The following TRPM7 variants were observed in gnomAD, a reference collection of about 807,000 sequenced individuals.
The protein encoded by TRPM7 is LTRPC ion channel family member 7.
TRPM7 carries 134 observed loss-of-function variants against 229.7 expected under a neutral mutation model. The observed-to-expected ratio is 0.58, with a 90% CI of 0.51 to 0.67. The LOEUF is 0.67. TRPM7 is among the 30% of genes least tolerant of loss of function. TRPM7 has a pLI of 0.00. For synonymous variants in TRPM7, 699 were observed against 715.2 expected (o/e 0.98, Z 0.36); for missense variants, 1,901 against 2,210.0 (o/e 0.86, Z 2.80).
chr15:50,604,383 A>C (rs2059865107), intron 21 of TRPM7: 1 of 152,162 alleles, frequency 6.6e-6, no homozygotes, highest in South Asian at 2.1e-4. Flanking sequence ...GACCAGCCTG[A>C]CCAACATGGT....
chr15:50,561,874 T>A (rs929586301), intron 38 of TRPM7, 66 bp from the exon 39 acceptor site: 9 of 1,414,664 alleles, frequency 6.4e-6, no homozygotes, highest in Non-Finnish European at 8.5e-6. Flanking sequence ...TTAGTATTTC[T>A]TAGAAATGGA....
chr15:50,603,005 T>C (rs895518258), intron 21 of TRPM7, among the ~76,000 whole-genome samples: 1 of 152,214 alleles, frequency 6.6e-6, no homozygotes, highest in African/African-American at 2.4e-5. Flanking sequence ...AACACCTTTT[T>C]TGCATGCTAA....
rs760996135 is a variant in TRPM7, at chr15:50,604,979, C to A, written c.2875G>T (p.Val959Leu). The change falls in exon 21 of 39, where the codon GTG becomes TTG. Residue 959 changes from valine (V) to leucine (L), a missense_variant. Coordinates refer to ENST00000646667, the MANE Select transcript of TRPM7 (RefSeq NM_017672.6). ...FANAYDNHVF[V>L]AGRLIYCLNI... ...AGACAGTAAATTAATCTTCCAGCCA[C>A]AAAAACATGATTATCATATGCATTT... The A allele has an allele frequency of 2.5e-6, 4 of 1,613,916 alleles. No individual in the cohort carries two copies. Among genetic ancestry groups the A allele is most frequent in the Non-Finnish European group, 3.4e-6 (4 of 1,179,930 alleles).
chr15:50,615,995 T>C (rs1313782927), intron 13 of TRPM7, among the ~76,000 whole-genome samples: 1 of 152,180 alleles, frequency 6.6e-6, no homozygotes, highest in East Asian at 1.9e-4. Flanking sequence ...AAAATACCTA[T>C]TTCCATCTTG....
intron 11 of TRPM7, 108 bp from the exon 12 acceptor site, chr15:50,624,408 T>C (rs2140581986): frequency 9.9e-7 from 1 of 1,009,504 alleles, no homozygotes; most frequent in Non-Finnish European, 1.4e-6. Flanking sequence ...CCAACAGTTT[T>C]AGAACAAAAT....
Position 50,575,886 on chromosome 15 carries a change from G to A in TRPM7, c.4652C>T (p.Thr1551Ile). 1 of 1,613,350 alleles carries A rather than the reference G, an allele frequency of 6.2e-7. No individual in the cohort carries two copies. Among genetic ancestry groups the A allele is most frequent in the African/African-American group, 1.3e-5 (1 of 74,996 alleles). ...LTSPFKPAMD[T>I]NYYYSAVERN... ...TTACTGACCTGAATAATAGTAATTT[G>A]TATCCATAGCTGGCTTAAATGGAGA... The change falls in exon 32 of 39, where the codon ACA (threonine) becomes ATA (isoleucine). Residue 1551 changes from threonine to isoleucine, a missense_variant. Around this residue, in one of 8 missense-constraint regions of TRPM7, gnomAD observed 533 missense variants for 497.1 expected, o/e 1.07. Transcript: ENST00000646667.
At chr15:50,680,731 C>T (rs1055289002) in intron 1 of TRPM7, among the ~76,000 whole-genome samples, 5 of 151,916 alleles carry the variant, frequency 3.3e-5, no homozygotes, top group African/African-American at 1.2e-4. Context: ...TTAAAAAAAA[C>T]CTTAACTTTT....
At position 50,592,253 on chromosome 15, in the gene TRPM7, T is replaced by C. The variant is rs1373029749; in HGVS notation, c.3982A>G (p.Asn1328Asp). 2 of 1,614,018 alleles carry C rather than the reference T, an allele frequency of 1.2e-6. No homozygotes were observed. Among genetic ancestry groups the C allele is most frequent in the Non-Finnish European group, 1.7e-6 (2 of 1,179,998 alleles). The change falls in exon 26 of 39, where the codon AAT becomes GAT. Residue 1328 changes from asparagine (N) to aspartate (D), a missense_variant. Asn to Asp is a conservative substitution (Grantham distance 23). Transcript: ENST00000646667. The stretch of plus-strand genomic sequence containing the variant: ...GCAGGTAAGTCTTGACCAAATATAT[T>C]ACACTGGGGATCTTTGTCATCTTTC... Reference protein sequence around the residue: ...LMKDDKDPQCNIFGQDLPAVP... With the variant: ...LMKDDKDPQCDIFGQDLPAVP...
At chr15:50,579,201 A>G (rs2054281650) in intron 30 of TRPM7, among the ~76,000 whole-genome samples, 1 of 152,232 alleles carries the variant, frequency 6.6e-6, no homozygotes, top group African/African-American at 2.4e-5. Flanking sequence ...ACTTCCAAGG[A>G]TTCCAGTGTC....
chr15:50,612,016 C>T (rs1306899498), intron 16 of TRPM7, among the ~76,000 whole-genome samples: 1 of 152,250 alleles, frequency 6.6e-6, no homozygotes, highest in Non-Finnish European at 1.5e-5. Flanking sequence ...ACTTCACTTC[C>T]ACCCTTTCCT....
chr15:50,668,631 C>A (rs905052045), intron 1 of TRPM7, among the ~76,000 whole-genome samples: 1 of 152,156 alleles, frequency 6.6e-6, no homozygotes, highest in Non-Finnish European at 1.5e-5. Flanking sequence ...CCTCAGCCTC[C>A]CAAGTAGCTG....
chr15:50,661,759 T>C (rs1422996808), intron 2 of TRPM7, among the ~76,000 whole-genome samples: 2 of 152,272 alleles, frequency 1.3e-5, no homozygotes, highest in East Asian at 3.9e-4. Context: ...GAGAACACAG[T>C]GTGACAGGAG....
chr15:50,655,042 A>C (rs1351306015), intron 3 of TRPM7, among the ~76,000 whole-genome samples: 1 of 133,434 alleles, frequency 7.5e-6, no homozygotes, highest in African/African-American at 2.7e-5. Flanking sequence ...CTGGATGGAC[A>C]AAACAGCAAA....
chr15:50,613,941 A>G, intron 14 of TRPM7, 100 bp from the exon 15 acceptor site: 2 of 1,414,198 alleles, frequency 1.4e-6, no homozygotes, highest in East Asian at 2.3e-5. Context: ...GTGTTTGTGT[A>G]CACACACAAA....
intron 1 of TRPM7, among the ~76,000 whole-genome samples, chr15:50,667,102 G>A (rs1430002402): frequency 3.9e-5 from 6 of 152,072 alleles, no homozygotes; most frequent in African/African-American, 1.4e-4. Context: ...CAACCCAAAG[G>A]AAATAGACTG....
chr15:50,568,659 G>A (rs1596056111), intron 38 of TRPM7, among the ~76,000 whole-genome samples: 1 of 151,990 alleles, frequency 6.6e-6, no homozygotes, highest in African/African-American at 2.4e-5. Context: ...TACAATACTG[G>A]GCATACGAAG....
intron 8 of TRPM7, 144 bp from the exon 9 acceptor site, chr15:50,633,136 T>C: frequency 1.7e-6 from 1 of 574,472 alleles, no homozygotes; most frequent in Non-Finnish European, 2.7e-6. Context: ...TATTTCTTCC[T>C]ACATGAGACT....
chr15:50,598,969 TG>T (rs2059704032), intron 22 of TRPM7, among the ~76,000 whole-genome samples, 152 bp downstream of exon 22: 1 of 152,224 alleles, frequency 6.6e-6, no homozygotes, highest in South Asian at 2.1e-4. Context: ...CCAATTAATT[TG>T]TATGTTTCTT....
intron 1 of TRPM7, among the ~76,000 whole-genome samples, chr15:50,670,125 G>C (rs1431770868): frequency 2.6e-5 from 4 of 152,106 alleles, no homozygotes; most frequent in African/African-American, 7.2e-5. Flanking sequence ...ACGGACACAA[G>C]AGACCTTAAT....
Sources: allele counts gnomAD v4.1 joint callset (sites outside exome capture counted in the v4.1 genomes callset), GRCh38; gene constraint gnomAD v4.1.1; regional missense constraint gnomAD v4.1.1; transcripts MANE v1.5; gene names NCBI Gene and HGNC (gene_info 2026-07-23, HGNC 2026-07-21).